TENM3: variants seen among roughly 807,000 people sequenced by gnomAD.
The protein encoded by TENM3 is teneurin-3.
A neutral mutation model predicts 255.1 loss-of-function variants in TENM3; 63 were observed. That is an observed-to-expected ratio of 0.25 (90% confidence interval 0.20 to 0.30). The LOEUF (loss-of-function observed/expected upper bound fraction) is 0.30. Among genes scored for constraint, TENM3 ranks in the 10% least tolerant of loss-of-function variants. TENM3 has a pLI of 1.00. For missense variants in TENM3, 2,929 were observed against 3,461.1 expected (o/e 0.85, Z 3.86); for synonymous variants, 1,306 against 1,322.3 (o/e 0.99, Z 0.27).
chr4:182,252,905 G>A (rs1283468347), intron 1 of TENM3, among the ~76,000 whole-genome samples: 1 of 152,158 alleles, frequency 6.6e-6, no homozygotes, highest in East Asian at 1.9e-4. Context: ...GCTTCATGTA[G>A]GTGAAGAATC....
At chr4:182,769,582 G>A (rs1764008183) in intron 22 of TENM3, among the ~76,000 whole-genome samples, 1 of 151,718 alleles carries the variant, frequency 6.6e-6, no homozygotes, top group African/African-American at 2.4e-5. Flanking sequence ...AGGAGTTTGA[G>A]ACCAGTCTGG....
intron 3 of TENM3, among the ~76,000 whole-genome samples, chr4:182,373,171 GAGA>G (rs1177139420): frequency 6.6e-6 from 1 of 152,224 alleles, no homozygotes; most frequent in Non-Finnish European, 1.5e-5. Context: ...TTGCTTTGCA[GAGA>G]AGAAGTTTTA....
At chr4:182,354,688 A>G (rs1394880489) in intron 3 of TENM3, among the ~76,000 whole-genome samples, 1 of 152,196 alleles carries the variant, frequency 6.6e-6, no homozygotes, top group Non-Finnish European at 1.5e-5. Flanking sequence ...TCTTATATTT[A>G]TCAGTTGACG....
At chr4:182,775,485 G>A (rs535651373) in intron 24 of TENM3, among the ~76,000 whole-genome samples, 7 of 152,274 alleles carry the variant, frequency 4.6e-5, no homozygotes, top group African/African-American at 9.6e-5. Flanking sequence ...TTCCCAAAGC[G>A]GACTCCAGCT....
the TENM3 span, among the ~76,000 whole-genome samples, chr4:182,030,397 G>A: frequency 3.3e-5 from 5 of 151,964 alleles, no homozygotes; most frequent in African/African-American, 1.2e-4. Context: ...TCCCTGTCCT[G>A]CAAAAGACAT....
At chr4:181,907,481 T>C in the TENM3 span, among the ~76,000 whole-genome samples, 15 of 152,180 alleles carry the variant, frequency 9.9e-5, no homozygotes, top group Non-Finnish European at 2.1e-4. Flanking sequence ...ATACAAGGCT[T>C]GTCTGCAGGC....
the TENM3 span, among the ~76,000 whole-genome samples, chr4:181,740,924 G>T: frequency 1.3e-5 from 2 of 152,050 alleles, no homozygotes; most frequent in African/African-American, 4.8e-5. Context: ...AAAGAAAACC[G>T]TAAGATGGCT....
intron 1 of TENM3, among the ~76,000 whole-genome samples, chr4:182,211,105 G>A (rs1755009030): frequency 6.6e-6 from 1 of 152,126 alleles, no homozygotes; most frequent in African/African-American, 2.4e-5. Flanking sequence ...ACCAAAACGG[G>A]GGACAAGGCA....
At chr4:182,794,517 C>G (rs1323822744) in intron 26 of TENM3, among the ~76,000 whole-genome samples, 1 of 152,198 alleles carries the variant, frequency 6.6e-6, no homozygotes, top group East Asian at 1.9e-4. Context: ...CCATTTCTCC[C>G]ATCAGTTGCT....
intron 1 of TENM3, among the ~76,000 whole-genome samples, chr4:182,214,053 C>T (rs377025829): frequency 5.9e-5 from 9 of 152,164 alleles, no homozygotes; most frequent in East Asian, 5.8e-4. Flanking sequence ...CCCCCCGCTG[C>T]GGCCTCCCCA....
the TENM3 span, among the ~76,000 whole-genome samples, chr4:181,622,792 T>C: frequency 0.89 from 134,964 of 152,238 alleles, 60,120 homozygotes; most frequent in East Asian, 0.99. Context: ...TGGCCTTTGG[T>C]GCCCAACCTT....
chr4:181,831,657 C>T, the TENM3 span, among the ~76,000 whole-genome samples: 1 of 152,036 alleles, frequency 6.6e-6, no homozygotes, highest in Admixed American at 6.6e-5. Context: ...TTACAAAAAT[C>T]TGATTTCAGA....
intron 20 of TENM3, among the ~76,000 whole-genome samples, chr4:182,752,567 G>A (rs1762449586): frequency 6.6e-6 from 1 of 152,126 alleles, no homozygotes; most frequent in South Asian, 2.1e-4. Context: ...TTTAAACCAG[G>A]CAGGAATGAT....
At chr4:182,305,223 C>A (rs6820425) in intron 1 of TENM3, among the ~76,000 whole-genome samples, 27,700 of 151,318 alleles carry the variant, frequency 0.18, 2,904 homozygotes, top group African/African-American at 0.3. Flanking sequence ...AAAAAAAAAA[C>A]CACAAAAACA....
At chr4:181,466,189 C>T in the TENM3 span, among the ~76,000 whole-genome samples, 1 of 150,510 alleles carries the variant, frequency 6.6e-6, no homozygotes, top group African/African-American at 2.5e-5. Context: ...GCGATCTCAA[C>T]CCACTGCAAC....
At chr4:182,356,170 C>T (rs892148630) in intron 3 of TENM3, among the ~76,000 whole-genome samples, 1 of 151,910 alleles carries the variant, frequency 6.6e-6, no homozygotes, top group Non-Finnish European at 1.5e-5. Flanking sequence ...CAAAAGACAA[C>T]AAAAGAGACA....
At chr4:182,021,670 T>C in the TENM3 span, among the ~76,000 whole-genome samples, 1 of 152,158 alleles carries the variant, frequency 6.6e-6, no homozygotes, top group Non-Finnish European at 1.5e-5. Flanking sequence ...GCCTTGCATA[T>C]CACTGTATCC....
At chr4:181,862,156 A>G in the TENM3 span, among the ~76,000 whole-genome samples, 4 of 152,100 alleles carry the variant, frequency 2.6e-5, no homozygotes, top group Non-Finnish European at 4.4e-5. Flanking sequence ...TCTTAAAGAC[A>G]AAATAGATAT....
chr4:182,427,709 T>A (rs12506461), intron 3 of TENM3, among the ~76,000 whole-genome samples: 11,464 of 151,900 alleles, frequency 0.075, 669 homozygotes, highest in East Asian at 0.2. Flanking sequence ...GGATTTTGAG[T>A]CATGGCATCT....
Sources: allele counts gnomAD v4.1 joint callset (sites outside exome capture counted in the v4.1 genomes callset), GRCh38; gene constraint gnomAD v4.1.1; transcripts MANE v1.5; gene names NCBI Gene and HGNC (gene_info 2026-07-23, HGNC 2026-07-21).